ITGB3BP: variants seen among roughly 807,000 people sequenced by gnomAD.
The protein encoded by ITGB3BP is centromere protein R.
A neutral mutation model predicts 29.1 loss-of-function variants in ITGB3BP; 27 were observed. The observed-to-expected ratio is 0.93, with a 90% CI of 0.68 to 1.28. ITGB3BP has a LOEUF of 1.28. ITGB3BP is among the 50% of genes most tolerant of loss of function. The pLI is 0.00. For synonymous variants in ITGB3BP, 61 were observed against 61.4 expected, an observed-to-expected ratio of 0.99 and a Z score of 0.03; for missense variants, 192 against 200.2, an observed-to-expected ratio of 0.96 and a Z score of 0.25.
intron 4 of ITGB3BP, among the ~76,000 whole-genome samples, chr1:63,475,607 G>T (rs1570199961): frequency 6.6e-6 from 1 of 152,030 alleles, no homozygotes; most frequent in Non-Finnish European, 1.5e-5. Flanking sequence ...AAAAATAAAA[G>T]AAATCTAAAC....
intron 2 of ITGB3BP, among the ~76,000 whole-genome samples, chr1:63,503,693 G>T (rs1454157735): frequency 1.3e-5 from 2 of 152,120 alleles, no homozygotes; most frequent in African/African-American, 4.8e-5. Context: ...TTTTTTATAA[G>T]GTGTAAGGAA....
At chr1:63,466,355 T>C (rs948100100) in intron 4 of ITGB3BP, among the ~76,000 whole-genome samples, 19 of 152,228 alleles carry the variant, frequency 1.2e-4, no homozygotes, top group Admixed American at 1.1e-3. Flanking sequence ...TGAAACTACA[T>C]ATGACGACAA....
chr1:63,471,617 C>T (rs990027375), intron 4 of ITGB3BP, among the ~76,000 whole-genome samples: 2 of 152,034 alleles, frequency 1.3e-5, no homozygotes, highest in Admixed American at 1.3e-4. Context: ...GATTTTTGTG[C>T]ATGGTGTGAG....
At chr1:63,462,620 T>C (rs370412395) in intron 4 of ITGB3BP, among the ~76,000 whole-genome samples, 47 of 152,342 alleles carry the variant, frequency 3.1e-4, no homozygotes, top group East Asian at 2.9e-3. Flanking sequence ...CTTTTTAAGA[T>C]TGGCTTTCCT....
intron 1 of ITGB3BP, among the ~76,000 whole-genome samples, chr1:63,521,967 C>G (rs1400952543): frequency 6.6e-6 from 1 of 152,116 alleles, no homozygotes; most frequent in Non-Finnish European, 1.5e-5. Flanking sequence ...TATTTGAGAA[C>G]TGGATGATTT....
intron 3 of ITGB3BP, among the ~76,000 whole-genome samples, chr1:63,483,061 C>T (rs1029941692): frequency 1.4e-4 from 21 of 152,052 alleles, no homozygotes; most frequent in Non-Finnish European, 2.8e-4. Context: ...AGAAGGTTAT[C>T]GCTGAGAAAA....
intron 7 of ITGB3BP, among the ~76,000 whole-genome samples, chr1:63,452,663 A>G (rs1299997354): frequency 6.7e-6 from 1 of 150,178 alleles, no homozygotes; most frequent in Non-Finnish European, 1.5e-5. Flanking sequence ...ATCCCAAGCC[A>G]CATCCAAGAA....
intron 3 of ITGB3BP, among the ~76,000 whole-genome samples, chr1:63,485,689 G>A (rs1645515151): frequency 6.6e-6 from 1 of 151,904 alleles, no homozygotes; most frequent in Non-Finnish European, 1.5e-5. Context: ...CTGAGACTTT[G>A]TCTGAAAAAT....
chr1:63,511,684 G>T (rs1646202794), intron 1 of ITGB3BP, among the ~76,000 whole-genome samples: 1 of 152,068 alleles, frequency 6.6e-6, no homozygotes, highest in Non-Finnish European at 1.5e-5. Flanking sequence ...AAATAAGCCA[G>T]TCACAAAAGG....
intron 8 of ITGB3BP, 33 bp downstream of exon 8, chr1:63,446,773 A>C: frequency 6.8e-7 from 1 of 1,460,590 alleles, no homozygotes; most frequent in African/African-American, 1.4e-5. Context: ...AAATTTCACA[A>C]GGTTAAACTA....
intron 2 of ITGB3BP, among the ~76,000 whole-genome samples, chr1:63,501,675 C>A (rs1380177172): frequency 4.0e-5 from 6 of 151,596 alleles, no homozygotes; most frequent in Non-Finnish European, 5.9e-5. Flanking sequence ...CCAGCCTGGA[C>A]AACATGGCAA....
At chr1:63,470,336 T>C (rs1242157095) in intron 4 of ITGB3BP, among the ~76,000 whole-genome samples, 1 of 152,228 alleles carries the variant, frequency 6.6e-6, no homozygotes, top group Non-Finnish European at 1.5e-5. Context: ...TTTGGGAGTC[T>C]ATTAGTATAG....
intron 1 of ITGB3BP, among the ~76,000 whole-genome samples, chr1:63,516,271 T>G (rs1252459759): frequency 1.7e-5 from 2 of 117,080 alleles, no homozygotes; most frequent in Non-Finnish European, 1.6e-5. Context: ...CACTCTAGCC[T>G]GGGTGACAGA....
chr1:63,487,740 C>CAA (rs1026264099), intron 3 of ITGB3BP, among the ~76,000 whole-genome samples: 2 of 152,036 alleles, frequency 1.3e-5, no homozygotes, highest in African/African-American at 4.8e-5. Flanking sequence ...ATTTGTTGAA[C>CAA]AAAACATCAT....
At chr1:63,508,836 C>A (rs186407188) in intron 1 of ITGB3BP, among the ~76,000 whole-genome samples, 4 of 151,820 alleles carry the variant, frequency 2.6e-5, no homozygotes, top group Non-Finnish European at 5.9e-5. Context: ...CAAGGACTAC[C>A]GTACAATTTA....
intron 1 of ITGB3BP, among the ~76,000 whole-genome samples, chr1:63,513,725 T>C (rs561024373): frequency 6.6e-6 from 1 of 152,260 alleles, no homozygotes; most frequent in Admixed American, 6.5e-5. Flanking sequence ...GTCAAGAAAT[T>C]TGAAATTCCT....
At chr1:63,483,250 T>C (rs914079179) in intron 3 of ITGB3BP, among the ~76,000 whole-genome samples, 2 of 152,184 alleles carry the variant, frequency 1.3e-5, no homozygotes, top group African/African-American at 4.8e-5. Context: ...AGCTGAAAAG[T>C]ATTTAAAAGC....
At chr1:63,488,053 C>A in intron 3 of ITGB3BP, among the ~76,000 whole-genome samples, 1 of 152,052 alleles carries the variant, frequency 6.6e-6, no homozygotes, top group East Asian at 1.9e-4. Context: ...CATGTTTGGC[C>A]AATGTAGAAT....
At chr1:63,477,307 T>C (rs936846031) in intron 4 of ITGB3BP, among the ~76,000 whole-genome samples, 6 of 152,190 alleles carry the variant, frequency 3.9e-5, no homozygotes, top group African/African-American at 1.4e-4. Context: ...TAGCCACAGA[T>C]TATAACACTA....
Sources: gnomAD v4.1 joint callset for allele counts (sites outside exome capture counted in the v4.1 genomes callset) on GRCh38, gnomAD v4.1.1 for gene constraint, MANE v1.5 for transcripts, NCBI Gene and HGNC (gene_info 2026-07-23, HGNC 2026-07-21) for gene names.